Variants in ZC3H12B observed in about 807,000 individuals in gnomAD.
ZC3H12B encodes the protein zinc finger CCCH-type containing 12B.
In ZC3H12B, 7 loss-of-function variants were observed where a neutral mutation model predicts 43.9. The ratio of observed to expected loss-of-function variants is 0.16; its 90% CI spans 0.09 to 0.30. ZC3H12B has a LOEUF of 0.30. Ranked by LOEUF, ZC3H12B falls within the 10% of genes least tolerant of loss-of-function variation. ZC3H12B has a pLI of 1.00. For synonymous variants in ZC3H12B, 222 were observed against 241.7 expected, an observed-to-expected ratio of 0.92 and a Z score of 0.76; for missense variants, 475 against 670.2, an observed-to-expected ratio of 0.71 and a Z score of 3.22.
chrX:65,404,174 G>GGGTTATAAGATAGCAGGTGCAA (rs1569396164), intron 3 of ZC3H12B, among the ~76,000 whole-genome samples: 2 of 110,840 alleles, frequency 1.8e-5, no homozygotes, highest in Non-Finnish European at 3.8e-5. Flanking sequence ...AGTAGTTACC[G>GGGTTATAAGATAGCAGGTGCAA]GGTTATAAGA....
the ZC3H12B span, chrX:65,186,172 C>G: frequency 2.7e-5 from 3 of 111,179 alleles, no homozygotes; most frequent in African/African-American, 9.8e-5. Context: ...TTACAAAGCC[C>G]TAGTTGCTAT....
chrX:65,292,304 A>G, the ZC3H12B span, among the ~76,000 whole-genome samples: 1 of 112,437 alleles, frequency 8.9e-6, no homozygotes, highest in African/African-American at 3.2e-5. Flanking sequence ...CATGCAAAAA[A>G]GAATGAGATC....
the ZC3H12B span, among the ~76,000 whole-genome samples, chrX:65,353,265 AAAAC>A: frequency 9.0e-6 from 1 of 111,444 alleles, no homozygotes; most frequent in African/African-American, 3.3e-5. Context: ...ACACACAACA[AAAAC>A]AAAAACAGAG....
chrX:65,174,939 C>CAA, the ZC3H12B span, among the ~76,000 whole-genome samples: 9 of 101,418 alleles, frequency 8.9e-5, no homozygotes, highest in Non-Finnish European at 1.4e-4. Context: ...AAAAAACAAA[C>CAA]AAAAAAAAAA....
At chrX:65,069,031 T>A in the ZC3H12B span, among the ~76,000 whole-genome samples, 1 of 110,332 alleles carries the variant, frequency 9.1e-6, no homozygotes, top group South Asian at 3.9e-4. Context: ...GTTTGTTTCT[T>A]TTCTCTTGTG....
the ZC3H12B span, among the ~76,000 whole-genome samples, chrX:65,237,987 G>T: frequency 1.8e-5 from 2 of 111,413 alleles, no homozygotes; most frequent in Non-Finnish European, 3.8e-5. Flanking sequence ...GAGGATTTTT[G>T]CATTGATGTT....
the ZC3H12B span, among the ~76,000 whole-genome samples, chrX:65,239,250 G>A: frequency 9.0e-6 from 1 of 111,134 alleles, no homozygotes. Context: ...ATGAATCTTG[G>A]TCCTCCCATA....
chrX:65,196,352 A>G, the ZC3H12B span, among the ~76,000 whole-genome samples: 1 of 111,285 alleles, frequency 9.0e-6, no homozygotes, highest in African/African-American at 3.3e-5. Flanking sequence ...CTGCGGGGTC[A>G]AGTCAGTGAG....
chrX:65,166,801 A>C, the ZC3H12B span, among the ~76,000 whole-genome samples: 1 of 111,646 alleles, frequency 9.0e-6, no homozygotes, highest in Non-Finnish European at 1.9e-5. Flanking sequence ...GCCAGTGGTG[A>C]GGCTTTTTTC....
chrX:65,073,825 G>T, the ZC3H12B span, among the ~76,000 whole-genome samples: 1 of 111,634 alleles, frequency 9.0e-6, no homozygotes, highest in African/African-American at 3.3e-5. Context: ...AGTTGTTGGA[G>T]GCCAAGAACA....
chrX:65,348,749 A>G, the ZC3H12B span, among the ~76,000 whole-genome samples: 1 of 111,001 alleles, frequency 9.0e-6, no homozygotes, highest in Non-Finnish European at 1.9e-5. Context: ...CTTTAAACCA[A>G]CAAAGATCAA....
chrX:65,312,162 A>G, the ZC3H12B span, among the ~76,000 whole-genome samples: 1 of 112,163 alleles, frequency 8.9e-6, no homozygotes. Context: ...AAAAGTAACT[A>G]ATAGCTGGCA....
At chrX:65,320,826 G>A in the ZC3H12B span, among the ~76,000 whole-genome samples, 2 of 112,001 alleles carry the variant, frequency 1.8e-5, no homozygotes, top group Admixed American at 1.9e-4. Flanking sequence ...AAATGGTGCT[G>A]GGATAACTGG....
chrX:65,292,663 G>A, the ZC3H12B span, among the ~76,000 whole-genome samples: 2 of 109,411 alleles, frequency 1.8e-5, no homozygotes, highest in Non-Finnish European at 1.9e-5. Flanking sequence ...TATATTCTCA[G>A]TTTACTATTG....
At chrX:65,212,480 A>C in the ZC3H12B span, among the ~76,000 whole-genome samples, 1 of 67,928 alleles carries the variant, frequency 1.5e-5, no homozygotes, top group Non-Finnish European at 2.5e-5. Flanking sequence ...TTATATAAAT[A>C]ATATATATTA....
At chrX:65,468,984 A>G (rs2067867500) in intron 3 of ZC3H12B, 2 of 110,162 alleles carry the variant, frequency 1.8e-5, no homozygotes, top group Non-Finnish European at 3.8e-5. Flanking sequence ...AAGCCAGGTC[A>G]TTGTAAGAAG....
intron 3 of ZC3H12B, among the ~76,000 whole-genome samples, chrX:65,428,459 T>C (rs1012026474): frequency 4.4e-5 from 5 of 112,515 alleles, no homozygotes; most frequent in African/African-American, 1.6e-4. Context: ...ATGTTTTAAT[T>C]CCTTTTTCTC....
chrX:65,129,019 ATTTAT>A, the ZC3H12B span, among the ~76,000 whole-genome samples: 3 of 110,128 alleles, frequency 2.7e-5, no homozygotes, highest in Non-Finnish European at 3.8e-5. Flanking sequence ...TAGCTGGTGT[ATTTAT>A]TTTATTTCCA....
At chrX:65,165,631 A>G in the ZC3H12B span, among the ~76,000 whole-genome samples, 3 of 112,187 alleles carry the variant, frequency 2.7e-5, no homozygotes, top group African/African-American at 6.5e-5. Context: ...GAACTCATTC[A>G]TTTTCATGGC....
Sources: allele counts gnomAD v4.1 joint callset (sites outside exome capture counted in the v4.1 genomes callset), GRCh38; gene constraint gnomAD v4.1.1; transcripts MANE v1.5; gene names NCBI Gene and HGNC (gene_info 2026-07-23, HGNC 2026-07-21).